PPP2R2B: variants seen among roughly 807,000 people sequenced by gnomAD.
PPP2R2B encodes the protein protein phosphatase 2 regulatory subunit Bbeta.
Under a neutral mutation model 46.0 loss-of-function variants are expected in PPP2R2B, and 5 were observed. The ratio of observed to expected loss-of-function variants is 0.11; its 90% CI spans 0.06 to 0.23. The LOEUF (loss-of-function observed/expected upper bound fraction) is 0.23, where lower values mean the gene tolerates loss of function less well. Among genes scored for constraint, PPP2R2B ranks in the 10% least tolerant of loss-of-function variants. The pLI is 1.00. For synonymous variants in PPP2R2B, 215 were observed against 206.7 expected (o/e 1.04, Z -0.34); for missense variants, 367 against 575.0 (o/e 0.64, Z 3.70).
intron 5 of PPP2R2B, among the ~76,000 whole-genome samples, chr5:146,654,668 T>A (rs1180910734): frequency 6.6e-6 from 1 of 152,180 alleles, no homozygotes; most frequent in African/African-American, 2.4e-5. Flanking sequence ...AAAGAACTAT[T>A]TCTGTGGATA....
intron 2 of PPP2R2B, among the ~76,000 whole-genome samples, chr5:146,779,306 C>T (rs1331841430): frequency 6.6e-6 from 1 of 152,064 alleles, no homozygotes; most frequent in Admixed American, 6.6e-5. Flanking sequence ...CGAGACTGTC[C>T]ACATCTTGTT....
Position 146,589,795 on chromosome 5 carries a change from C to A in PPP2R2B, c.*152G>T. The A allele has an allele frequency of 2.4e-6, 2 of 821,174 alleles. No homozygotes were observed. Among genetic ancestry groups the A allele is most frequent in the Non-Finnish European group, 3.8e-6 (2 of 528,732 alleles). The allele number at this position is 821,174 out of a possible 1,614,324, so 50.9% of individuals were successfully genotyped here. On this transcript the variant is annotated 3_prime_UTR_variant, in exon 10 of 10. Transcript: ENST00000394411. ...ACAAAAGTTTCTTAGAACTGGGGAGCTGGGAATGTTGGACTCCTTTTAATT... is the reference window on the plus strand; with the variant it reads ...ACAAAAGTTTCTTAGAACTGGGGAGATGGGAATGTTGGACTCCTTTTAATT...
chr5:146,987,791 A>ATAT, intron 1 of PPP2R2B, among the ~76,000 whole-genome samples: 1 of 151,944 alleles, frequency 6.6e-6, no homozygotes, highest in Non-Finnish European at 1.5e-5. Flanking sequence ...AATAACCTTG[A>ATAT]ATATATATGG....
At chr5:147,062,523 A>C (rs1330792774) in intron 2 of PPP2R2B, among the ~76,000 whole-genome samples, 1 of 152,166 alleles carries the variant, frequency 6.6e-6, no homozygotes, top group African/African-American at 2.4e-5. Context: ...TTTATAGATG[A>C]GGAAGTTTAC....
chr5:146,891,621 A>G (rs1762493574), intron 1 of PPP2R2B, among the ~76,000 whole-genome samples: 1 of 152,228 alleles, frequency 6.6e-6, no homozygotes, highest in East Asian at 1.9e-4. Context: ...CTATGTGCTT[A>G]GCACTAGGCT....
chr5:147,014,390 A>G (rs1754893401), intron 1 of PPP2R2B, among the ~76,000 whole-genome samples: 1 of 149,742 alleles, frequency 6.7e-6, no homozygotes, highest in Admixed American at 6.7e-5. Context: ...TACTGGGTAT[A>G]TACCCAAATG....
chr5:146,986,002 A>G (rs1488716115), intron 1 of PPP2R2B, among the ~76,000 whole-genome samples: 5 of 152,222 alleles, frequency 3.3e-5, no homozygotes, highest in African/African-American at 1.2e-4. Context: ...GTATCCCCCA[A>G]CAAGAACATC....
At chr5:146,891,254 C>T (rs319188) in intron 1 of PPP2R2B, among the ~76,000 whole-genome samples, 70,980 of 152,052 alleles carry the variant, frequency 0.47, 17,882 homozygotes, top group East Asian at 0.71. Flanking sequence ...ATGTTGTGTT[C>T]TAATCTCATT....
At chr5:146,810,464 G>A (rs1321629833) in intron 2 of PPP2R2B, among the ~76,000 whole-genome samples, 1 of 152,128 alleles carries the variant, frequency 6.6e-6, no homozygotes, top group Non-Finnish European at 1.5e-5. Context: ...CTCACAACAG[G>A]AGGCAATTAT....
chr5:146,658,476 T>C (rs1776481944), intron 5 of PPP2R2B, among the ~76,000 whole-genome samples: 6 of 152,172 alleles, frequency 3.9e-5, no homozygotes, highest in Admixed American at 3.9e-4. Context: ...GGTCCTCCTA[T>C]AAATATCCTA....
chr5:146,849,305 A>G (rs1397788422), intron 2 of PPP2R2B, among the ~76,000 whole-genome samples: 1 of 152,180 alleles, frequency 6.6e-6, no homozygotes, highest in African/African-American at 2.4e-5. Flanking sequence ...ACTTGTGAAT[A>G]TATAAAGTTA....
chr5:147,023,488 AT>A (rs1358070287), intron 1 of PPP2R2B, among the ~76,000 whole-genome samples: 2 of 152,220 alleles, frequency 1.3e-5, no homozygotes, highest in African/African-American at 4.8e-5. Context: ...CTGCCTAAAA[AT>A]ATACACTTTA....
At chr5:147,070,910 C>CTGCT (rs888451259) in intron 2 of PPP2R2B, among the ~76,000 whole-genome samples, 2 of 152,084 alleles carry the variant, frequency 1.3e-5, no homozygotes, top group Non-Finnish European at 2.9e-5. Context: ...AAGTGGGCAT[C>CTGCT]TGCTGTGAAG....
intron 2 of PPP2R2B, among the ~76,000 whole-genome samples, chr5:146,780,773 C>G (rs1004548344): frequency 6.6e-6 from 1 of 152,146 alleles, no homozygotes; most frequent in Non-Finnish European, 1.5e-5. Context: ...ACAATTCTCT[C>G]TGCCTGTTCT....
intron 2 of PPP2R2B, among the ~76,000 whole-genome samples, chr5:146,753,682 G>A (rs886497844): frequency 6.6e-6 from 1 of 152,104 alleles, no homozygotes; most frequent in Admixed American, 6.5e-5. Flanking sequence ...CAGAGGATTC[G>A]ATGATTTTAT....
At chr5:146,944,278 G>A (rs1764411374) in intron 1 of PPP2R2B, among the ~76,000 whole-genome samples, 2 of 152,092 alleles carry the variant, frequency 1.3e-5, no homozygotes, top group Non-Finnish European at 2.9e-5. Flanking sequence ...AGGCAGGATG[G>A]GAGTGGGGTG....
In PPP2R2B at chr5:146,580,751, G is replaced by A. The variant is rs1769855058; in HGVS notation, c.*9196C>T. Among the ~76,000 whole-genome samples the A allele has an allele frequency of 6.8e-6, 1 of 147,386 alleles. No individual in the cohort carries two copies. The highest frequency in any genetic ancestry group is 1.5e-5 in the Non-Finnish European group (1 of 67,124). ...GAGAGAGAGAGAGAGGTCACATTAG[G>A]AAGAATTTATTGAATGCTAGATAAC... On this transcript the variant is annotated 3_prime_UTR_variant, in exon 10 of 10. Coordinates refer to ENST00000394411, the MANE Select transcript of PPP2R2B (RefSeq NM_181675.4).
At chr5:146,594,219 A>G (rs1003983121) in intron 8 of PPP2R2B, among the ~76,000 whole-genome samples, 1 of 152,192 alleles carries the variant, frequency 6.6e-6, no homozygotes, top group African/African-American at 2.4e-5. Flanking sequence ...TCTCTTTTCC[A>G]GTGAAAGCAG....
intron 2 of PPP2R2B, among the ~76,000 whole-genome samples, chr5:146,702,658 A>G (rs1198068272): frequency 6.6e-6 from 1 of 152,228 alleles, no homozygotes; most frequent in Non-Finnish European, 1.5e-5. Flanking sequence ...AAATCTCTTA[A>G]AGTTTATACA....
Sources: gnomAD v4.1 joint callset for allele counts (sites outside exome capture counted in the v4.1 genomes callset) on GRCh38, gnomAD v4.1.1 for gene constraint, MANE v1.5 for transcripts, NCBI Gene and HGNC (gene_info 2026-07-23, HGNC 2026-07-21) for gene names.